The following ANXA8 variants were observed in gnomAD, a reference collection of about 807,000 sequenced individuals.
The protein encoded by ANXA8 is VAC-beta.
In ANXA8, 9 loss-of-function variants were observed where a neutral mutation model predicts 26.8. That is an observed-to-expected ratio of 0.34 (90% CI 0.20 to 0.59). The LOEUF (loss-of-function observed/expected upper bound fraction) is 0.59. Ranked by LOEUF, ANXA8 falls within the 20% of genes least tolerant of loss-of-function variation. The probability of loss-of-function intolerance (pLI) is 0.84; values close to 1 mark genes in which losing one functional copy is unlikely to be tolerated. For missense variants in ANXA8, 83 were observed against 238.5 expected (o/e 0.35, Z 4.29); for synonymous variants, 39 against 94.8 (o/e 0.41, Z 3.42).
At chr10:47,744,412 G>GGGGGGGGAGGGGGGAA in the ANXA8 span, among the ~76,000 whole-genome samples, 1 of 4,510 alleles carries the variant, frequency 2.2e-4, no homozygotes, top group Non-Finnish European at 5.0e-4. Flanking sequence ...GGCTCCTGGT[G>GGGGGGGGAGGGGGGAA]GGGGGGGGGT....
At chr10:47,690,863 T>C in the ANXA8 span, 5 of 1,611,630 alleles carry the variant, frequency 3.1e-6, no homozygotes, top group African/African-American at 1.3e-5. Context: ...GAAGATAAAG[T>C]GGCCCAGTCT....
At chr10:47,521,953 G>C in the ANXA8 span, among the ~76,000 whole-genome samples, 1 of 150,552 alleles carries the variant, frequency 6.6e-6, no homozygotes, top group African/African-American at 2.5e-5. Context: ...GCTAATTTTT[G>C]TATTTTCTTT....
chr10:47,724,835 T>C, the ANXA8 span, among the ~76,000 whole-genome samples: 2 of 138,584 alleles, frequency 1.4e-5, 1 homozygote, highest in Admixed American at 1.5e-4. Flanking sequence ...GCAGTCACTC[T>C]CCATTCCCCA....
At chr10:47,571,172 G>A in the ANXA8 span, among the ~76,000 whole-genome samples, 1 of 132,186 alleles carries the variant, frequency 7.6e-6, no homozygotes, top group Non-Finnish European at 1.6e-5. Context: ...ACTTTATTCA[G>A]TCATATTTAT....
At chr10:47,945,367 G>C in the ANXA8 span, among the ~76,000 whole-genome samples, 3 of 150,576 alleles carry the variant, frequency 2.0e-5, no homozygotes, top group African/African-American at 4.9e-5. Flanking sequence ...TGGGCTCACG[G>C]GAAAACCCCT....
At chr10:47,660,364 A>G in the ANXA8 span, among the ~76,000 whole-genome samples, 61 of 150,746 alleles carry the variant, frequency 4.0e-4, 1 homozygote, top group Non-Finnish European at 8.8e-5. Flanking sequence ...GCCTGTAATC[A>G]GGTTCAGCAA....
the ANXA8 span, among the ~76,000 whole-genome samples, chr10:47,980,503 A>G: frequency 6.6e-6 from 1 of 151,862 alleles, no homozygotes; most frequent in Admixed American, 6.6e-5. Flanking sequence ...GAGCAATAAA[A>G]TTAGTAAACC....
the ANXA8 span, among the ~76,000 whole-genome samples, chr10:47,653,033 C>G: frequency 6.6e-6 from 1 of 151,226 alleles, no homozygotes; most frequent in Admixed American, 6.6e-5. Flanking sequence ...CAGTCAAGCC[C>G]GTGTGCAGTG....
the ANXA8 span, among the ~76,000 whole-genome samples, chr10:47,659,466 G>A: frequency 1.3e-5 from 2 of 151,452 alleles, no homozygotes. Flanking sequence ...GATCACCTGA[G>A]GTCAGGAGTT....
the ANXA8 span, among the ~76,000 whole-genome samples, chr10:47,586,311 C>T: frequency 6.9e-6 from 1 of 144,174 alleles, no homozygotes; most frequent in Non-Finnish European, 1.5e-5. Context: ...TAGCCAGAAT[C>T]CTCCCTTACC....
At chr10:47,696,374 A>G in the ANXA8 span, 1 of 1,099,838 alleles carries the variant, frequency 9.1e-7, no homozygotes, top group Non-Finnish European at 1.3e-6. Flanking sequence ...AATTTATGGC[A>G]TGATCAGAAT....
At chr10:47,694,499 C>T in the ANXA8 span, among the ~76,000 whole-genome samples, 5 of 148,526 alleles carry the variant, frequency 3.4e-5, no homozygotes, top group Admixed American at 2.0e-4. Flanking sequence ...CTGCTCACTG[C>T]AACCTCTGCC....
chr10:47,588,137 C>G, the ANXA8 span, among the ~76,000 whole-genome samples: 439 of 144,316 alleles, frequency 3.0e-3, 53 homozygotes, highest in African/African-American at 0.012. Flanking sequence ...CACCTGAAGT[C>G]TCTTTATTAA....
At chr10:47,971,230 G>A in the ANXA8 span, among the ~76,000 whole-genome samples, 1 of 150,966 alleles carries the variant, frequency 6.6e-6, no homozygotes, top group Admixed American at 6.6e-5. Flanking sequence ...TCTTCTCCAT[G>A]ACTTTGAGGC....
the ANXA8 span, chr10:47,970,581 A>G: frequency 5.3e-5 from 8 of 151,580 alleles, no homozygotes; most frequent in African/African-American, 1.2e-4. Context: ...ACTGTATAAC[A>G]GTTCACTAGC....
intron 11 of ANXA8, among the ~76,000 whole-genome samples, chr10:47,469,874 A>G (rs1286486885): frequency 3.3e-5 from 5 of 150,946 alleles, no homozygotes; most frequent in African/African-American, 1.2e-4. Flanking sequence ...CTACAATGAA[A>G]TTTTTTTTAA....
At chr10:47,639,509 G>T in the ANXA8 span, among the ~76,000 whole-genome samples, 1 of 152,284 alleles carries the variant, frequency 6.6e-6, no homozygotes, top group Non-Finnish European at 1.5e-5. Context: ...GTAGAGACGG[G>T]GTTTCACCGT....
At chr10:47,693,040 A>G in the ANXA8 span, among the ~76,000 whole-genome samples, 452 of 151,756 alleles carry the variant, frequency 3.0e-3, 1 homozygote, top group Non-Finnish European at 4.9e-3. Flanking sequence ...TGGCCAGAAT[A>G]TGTTTTCACC....
At chr10:47,575,215 A>AAAAAAAAG in the ANXA8 span, among the ~76,000 whole-genome samples, 10 of 110,640 alleles carry the variant, frequency 9.0e-5, no homozygotes, top group South Asian at 3.0e-4. Flanking sequence ...AAAAAAAAAA[A>AAAAAAAAG]AAAGAAAGAA....
Sources: gnomAD v4.1 joint callset for allele counts (sites outside exome capture counted in the v4.1 genomes callset) on GRCh38, gnomAD v4.1.1 for gene constraint, MANE v1.5 for transcripts, NCBI Gene and HGNC (gene_info 2026-07-23, HGNC 2026-07-21) for gene names.